GRM7: variants seen among roughly 807,000 people sequenced by gnomAD.
GRM7 encodes metabotropic glutamate receptor 7.
Under a neutral mutation model 84.5 loss-of-function variants are expected in GRM7, and 35 were observed. The ratio of observed to expected loss-of-function variants is 0.41; its 90% CI spans 0.32 to 0.55. The LOEUF is 0.55. Ranked by LOEUF, GRM7 falls within the 20% of genes least tolerant of loss-of-function variation. GRM7 has a pLI of 0.19. For missense variants in GRM7, 1,003 were observed against 1,194.6 expected (o/e 0.84, Z 2.36); for synonymous variants, 487 against 455.1 (o/e 1.07, Z -0.89).
chr3:6,991,316 T>G (rs958048595), intron 1 of GRM7, among the ~76,000 whole-genome samples: 10 of 152,206 alleles, frequency 6.6e-5, no homozygotes, highest in African/African-American at 2.4e-4. Context: ...GGGGAACTTC[T>G]TTCTCCACCC....
chr3:7,127,103 AG>A (rs1192308378), intron 1 of GRM7, among the ~76,000 whole-genome samples: 20 of 152,224 alleles, frequency 1.3e-4, no homozygotes, highest in Admixed American at 1.3e-3. Flanking sequence ...TCTACTAAAA[AG>A]TAATGTCAGT....
At chr3:7,566,139 G>C (rs1437848041) in intron 7 of GRM7, among the ~76,000 whole-genome samples, 1 of 121,924 alleles carries the variant, frequency 8.2e-6, no homozygotes, top group Non-Finnish European at 1.6e-5. Flanking sequence ...TTTTGTAAAA[G>C]ATCAGAGAGT....
intron 2 of GRM7, among the ~76,000 whole-genome samples, chr3:7,276,207 ATGTGTGTGTGTGTGTGTG>A (rs923161861): frequency 1.0e-5 from 1 of 96,666 alleles, no homozygotes; most frequent in African/African-American, 4.3e-5. Context: ...ATATATATAT[ATGTGTGTGTGTGTGTGTG>A]TGTGTGTGTG....
At chr3:6,956,752 T>C (rs1001878803) in intron 1 of GRM7, 4 of 417,878 alleles carry the variant, frequency 9.6e-6, no homozygotes, top group Non-Finnish European at 1.9e-5. Context: ...ATGTCTCTTA[T>C]ATATCTTTAG....
chr3:6,889,138 C>G (rs372202814), intron 1 of GRM7, among the ~76,000 whole-genome samples: 1 of 152,136 alleles, frequency 6.6e-6, no homozygotes, highest in African/African-American at 2.4e-5. Context: ...TGGGCTGAGA[C>G]AATGGGGTTT....
At chr3:6,891,299 C>G (rs533310900) in intron 1 of GRM7, among the ~76,000 whole-genome samples, 106 of 152,218 alleles carry the variant, frequency 7.0e-4, no homozygotes, top group African/African-American at 2.3e-3. Flanking sequence ...TTATTTTGCT[C>G]ATTAGTTGAT....
intron 2 of GRM7, among the ~76,000 whole-genome samples, chr3:7,290,808 C>T (rs1269379437): frequency 6.6e-6 from 1 of 152,082 alleles, no homozygotes; most frequent in Non-Finnish European, 1.5e-5. Context: ...TCCTTGCTTC[C>T]TACCTTCTTT....
intron 7 of GRM7, among the ~76,000 whole-genome samples, chr3:7,467,644 T>G (rs1698516411): frequency 6.9e-6 from 1 of 145,554 alleles, no homozygotes; most frequent in Admixed American, 7.1e-5. Context: ...AACTCAAAAC[T>G]TGAAAAGAAA....
intron 2 of GRM7, among the ~76,000 whole-genome samples, chr3:7,254,875 C>T (rs755935684): frequency 3.3e-5 from 5 of 152,212 alleles, no homozygotes; most frequent in Non-Finnish European, 1.5e-5. Flanking sequence ...AACAGCTGAA[C>T]ACATTATAAC....
chr3:6,934,911 G>A (rs79612087), intron 1 of GRM7, among the ~76,000 whole-genome samples: 1,552 of 152,228 alleles, frequency 0.01, 30 homozygotes, highest in African/African-American at 0.035. Context: ...GAATTATGTT[G>A]CGAAAACAAT....
At chr3:7,454,088 A>ACTCTCTCTCTCTCTCCCTCT (rs1284686500) in intron 6 of GRM7, among the ~76,000 whole-genome samples, 1 of 111,752 alleles carries the variant, frequency 8.9e-6, no homozygotes, top group South Asian at 3.0e-4. Context: ...AGCTACACAC[A>ACTCTCTCTCTCTCTCCCTCT]CACTCTCTCT....
intron 4 of GRM7, among the ~76,000 whole-genome samples, chr3:7,320,681 A>AGTGTATGTGTGTGTGTGT (rs367833809): frequency 2.2e-4 from 31 of 141,252 alleles, no homozygotes; most frequent in African/African-American, 7.6e-4. Context: ...GTGGGTGATC[A>AGTGTATGTGTGTGTGTGT]GTGTGTGTGT....
intron 7 of GRM7, among the ~76,000 whole-genome samples, chr3:7,563,392 AT>A (rs796622987): frequency 2.6e-5 from 4 of 152,270 alleles, no homozygotes; most frequent in African/African-American, 9.6e-5. Context: ...CAGGTTCCAT[AT>A]TACTTTTCAG....
intron 4 of GRM7, among the ~76,000 whole-genome samples, chr3:7,382,332 T>G (rs1405292917): frequency 2.0e-5 from 3 of 152,208 alleles, no homozygotes; most frequent in African/African-American, 7.2e-5. Flanking sequence ...TTTTGTATCT[T>G]CATTTCTATT....
At chr3:7,046,172 GA>G (rs1246521850) in intron 1 of GRM7, among the ~76,000 whole-genome samples, 2 of 152,030 alleles carry the variant, frequency 1.3e-5, no homozygotes, top group African/African-American at 4.8e-5. Flanking sequence ...CTTTTTGTGG[GA>G]AATGTTCATT....
At chr3:6,908,476 G>T (rs1696657027) in intron 1 of GRM7, among the ~76,000 whole-genome samples, 1 of 152,154 alleles carries the variant, frequency 6.6e-6, no homozygotes, top group Non-Finnish European at 1.5e-5. Flanking sequence ...TTTCGCAGAT[G>T]AAAAAACTGA....
chr3:6,869,423 T>C (rs1197105456), intron 1 of GRM7, among the ~76,000 whole-genome samples: 1 of 152,228 alleles, frequency 6.6e-6, no homozygotes, highest in Non-Finnish European at 1.5e-5. Flanking sequence ...AGTTATCAGA[T>C]GGACATTAAG....
At chr3:7,130,591 A>G (rs1693563203) in intron 1 of GRM7, among the ~76,000 whole-genome samples, 1 of 149,902 alleles carries the variant, frequency 6.7e-6, no homozygotes, top group Non-Finnish European at 1.5e-5. Flanking sequence ...GCCCATGGAG[A>G]GGATTAGTAG....
intron 1 of GRM7, among the ~76,000 whole-genome samples, chr3:7,089,070 G>A (rs1430172532): frequency 6.6e-6 from 1 of 152,016 alleles, no homozygotes; most frequent in Non-Finnish European, 1.5e-5. Flanking sequence ...CATTACTTTT[G>A]TTTTAATCTC....
Sources: allele counts gnomAD v4.1 joint callset (sites outside exome capture counted in the v4.1 genomes callset), GRCh38; gene constraint gnomAD v4.1.1; transcripts MANE v1.5; gene names NCBI Gene and HGNC (gene_info 2026-07-23, HGNC 2026-07-21).